PDLIM4: variants seen among roughly 807,000 people sequenced by gnomAD.
PDLIM4 encodes the protein PDZ and LIM domain protein 4.
In PDLIM4, 19 loss-of-function variants were observed where a neutral mutation model predicts 31.3. The observed-to-expected ratio is 0.61, with a 90% CI of 0.42 to 0.89. The LOEUF is 0.89. Among genes scored for constraint, PDLIM4 ranks in the 40% least tolerant of loss-of-function variants. The pLI is 0.00. For missense variants in PDLIM4, 442 were observed against 461.1 expected, an observed-to-expected ratio of 0.96 and a Z score of 0.38; for synonymous variants, 176 against 190.1, an observed-to-expected ratio of 0.93 and a Z score of 0.61.
At chr5:132,269,751 C>A (rs1272951759) in intron 3 of PDLIM4, among the ~76,000 whole-genome samples, 1 of 152,178 alleles carries the variant, frequency 6.6e-6, no homozygotes, top group East Asian at 1.9e-4. Flanking sequence ...CACTGTAGAG[C>A]AGAGGAGGTT....
At chr5:132,268,596 C>T (rs1159528753) in intron 3 of PDLIM4, among the ~76,000 whole-genome samples, 1 of 152,192 alleles carries the variant, frequency 6.6e-6, no homozygotes, top group African/African-American at 2.4e-5. Flanking sequence ...TAACTTATTA[C>T]TATCCTTCTG....
At chr5:132,262,905 C>T (rs112242771) in intron 2 of PDLIM4, 145 bp downstream of exon 2, 1 of 637,470 alleles carries the variant, frequency 1.6e-6, no homozygotes, top group Non-Finnish European at 2.7e-6. Flanking sequence ...CAAGGAGTAG[C>T]ACTTTCATGG....
In PDLIM4 at chr5:132,271,873, G is replaced by A; in HGVS notation, c.753G>A (p.Gly251=). 1 of 1,610,644 alleles carries A rather than the reference G, an allele frequency of 6.2e-7. No individual in the cohort carries two copies. Among genetic ancestry groups the A allele is most frequent in the Non-Finnish European group, 8.5e-7 (1 of 1,178,332 alleles). ...GCGCTCCGCTGAGCGGCCTGCAGGG[G>A]CTGCCCGAGTGCACGCGCTGCGGCC... ...KLGAPLSGLQ[G]LPECTRCGHG... The change falls in exon 6 of 7, where the codon GGG becomes GGA. Residue 251 remains glycine, a synonymous_variant. Transcript: ENST00000253754.
At chr5:132,265,134 C>T (rs971426157) in intron 2 of PDLIM4, among the ~76,000 whole-genome samples, 3 of 152,206 alleles carry the variant, frequency 2.0e-5, no homozygotes, top group Non-Finnish European at 4.4e-5. Context: ...TTTGCACAGC[C>T]TACCCTTTGC....
rs1032372496 is a variant in PDLIM4, at chr5:132,269,270, G to A, written c.328-1645G>A. 3.3e-5 allele frequency among the ~76,000 whole-genome samples: 5 copies of A among 151,812 alleles called. No individual in the cohort carries two copies. In the East Asian group the frequency reaches 7.8e-4, roughly 24 times the overall value. On this transcript the variant is annotated intron_variant, in intron 3 of 6. Transcript: ENST00000253754. ...CCCCTGCACCCTGCTGGGTAGGGGT[G>A]AGTGAGGGCCTCCTTCCTCCCAGTC... is the stretch of plus-strand genomic sequence containing the variant.
In PDLIM4 at chr5:132,269,018, T is replaced by C. The variant is rs270623; in HGVS notation, c.328-1897T>C. Among the ~76,000 whole-genome samples, 858 of 152,308 alleles carry C rather than the reference T, an allele frequency of 5.6e-3. 16 individuals are homozygous for C. The highest frequency in any genetic ancestry group is 0.02 in the African/African-American group (824 of 41,568). On this transcript the variant is annotated intron_variant, in intron 3 of 6. Coordinates refer to ENST00000253754, the MANE Select transcript of PDLIM4 (RefSeq NM_003687.4). ...TGCCAGGCACTATGCAATTGTCTTA[T>C]TTCATCTCCACAAGGAACCTGATGT...
rs1176035399 is a variant in PDLIM4, at chr5:132,271,282, C to G, written c.507-21C>G. 5 of 1,581,678 alleles carry G rather than the reference C, an allele frequency of 3.2e-6. No individual in the cohort carries two copies. The South Asian group carries it at 5.6e-5, about 18-fold the overall frequency. Reference sequence around the variant, plus strand: ...GGCTGGAACTGCATCCCTTCCTCCTCTATTTCTTTCTCCCTCCCAGCGCTG... The same window carrying G: ...GGCTGGAACTGCATCCCTTCCTCCTGTATTTCTTTCTCCCTCCCAGCGCTG... On this transcript the variant is annotated intron_variant, in intron 4 of 6. Transcript: ENST00000253754.
chr5:132,258,487 A>C (rs1756295055), intron 1 of PDLIM4, among the ~76,000 whole-genome samples: 2 of 152,174 alleles, frequency 1.3e-5, no homozygotes, highest in Non-Finnish European at 1.5e-5. Flanking sequence ...CCCGTTCCTC[A>C]AGTTTCCCAG....
chr5:132,266,741 GCT>G (rs1756500508), intron 3 of PDLIM4, 196 bp downstream of exon 3: 4 of 469,818 alleles, frequency 8.5e-6, no homozygotes, highest in South Asian at 7.7e-5. Flanking sequence ...CCTGGTGTGG[GCT>G]CTGTCTCTAC....
intron 3 of PDLIM4, 193 bp downstream of exon 3, chr5:132,266,738 T>G (rs1756500452): frequency 2.1e-6 from 1 of 478,722 alleles, no homozygotes; most frequent in Admixed American, 3.8e-5. Context: ...GCACCTGGTG[T>G]GGGCTCTGTC....
Position 132,272,753 on chromosome 5 carries a change from G to T in PDLIM4, c.*524G>T, listed in dbSNP as rs565815416. 28 of 184,694 alleles carry T rather than the reference G, an allele frequency of 1.5e-4. No individual in the cohort carries two copies. The South Asian group carries it at 3.1e-3, about 20-fold the overall frequency. The allele number at this position is 184,694 out of a possible 1,614,324, so 11.4% of individuals were successfully genotyped here. A position where few individuals can be genotyped will look rare whatever the true frequency, so the allele number is the denominator to read the frequency against. Reference sequence around the variant, plus strand: ...GGTGCTGGCAGCCTCAGGAGCGATCGCTCCCCTGGAGAGGGTGATTGAGTG... The same window carrying T: ...GGTGCTGGCAGCCTCAGGAGCGATCTCTCCCCTGGAGAGGGTGATTGAGTG... On this transcript the variant is annotated 3_prime_UTR_variant, in exon 7 of 7. Coordinates refer to ENST00000253754, the MANE Select transcript of PDLIM4 (RefSeq NM_003687.4).
chr5:132,260,013 A>C (rs190881733), intron 1 of PDLIM4, among the ~76,000 whole-genome samples: 1 of 152,320 alleles, frequency 6.6e-6, no homozygotes, highest in African/African-American at 2.4e-5. Context: ...AGTCCTTACA[A>C]CAGCCTTTAG....
rs754129660 is a variant in PDLIM4, at chr5:132,271,089, C to G, written c.502C>G (p.Pro168Ala). The G allele has an allele frequency of 1.3e-5, 21 of 1,613,446 alleles. No homozygotes were observed. In the African/African-American group the frequency reaches 2.3e-4, roughly 17 times the overall value. Residue 168 changes from proline (P) to alanine (A), a missense_variant, in exon 4 of 7, where the codon CCC becomes GCC. Coordinates refer to ENST00000253754, the MANE Select transcript of PDLIM4 (RefSeq NM_003687.4). ...GAGCACCCTGCATGTGTCTCCACCC[C>G]CCAGGTAGCACAGAGATGCCTTCGG... ...QMSTLHVSPPPSADPARGLPR... is the reference protein window; with the variant it reads ...QMSTLHVSPPASADPARGLPR...
chr5:132,259,437 C>T (rs1046772178), intron 1 of PDLIM4, among the ~76,000 whole-genome samples: 7 of 152,068 alleles, frequency 4.6e-5, no homozygotes, highest in Non-Finnish European at 1.0e-4. Context: ...GGGATGCAGG[C>T]CCCAGGCAGG....
At chr5:132,264,220 C>G (rs974670526) in intron 2 of PDLIM4, among the ~76,000 whole-genome samples, 1 of 152,022 alleles carries the variant, frequency 6.6e-6, no homozygotes, top group Non-Finnish European at 1.5e-5. Flanking sequence ...GGTGGAGGTC[C>G]CCCTCCTTCT....
intron 3 of PDLIM4, 178 bp downstream of exon 3, chr5:132,266,723 G>C: frequency 6.1e-6 from 3 of 495,582 alleles, no homozygotes; most frequent in African/African-American, 2.0e-5. Flanking sequence ...TTCCTCAGAT[G>C]ATGAGCACCT....
rs1368212464 is a variant in PDLIM4, at chr5:132,271,460, G to A, written c.664G>A (p.Glu222Lys). 2.5e-6 allele frequency: 4 copies of A among 1,608,142 alleles called. No individual in the cohort carries two copies. Among genetic ancestry groups the A allele is most frequent in the Non-Finnish European group, 3.4e-6 (4 of 1,179,892 alleles). Residue 222 changes from glutamate (E) to lysine (K), a missense_variant, in exon 5 of 7, where the codon GAG (glutamate) becomes AAG (lysine). Coordinates refer to ENST00000253754, the MANE Select transcript of PDLIM4 (RefSeq NM_003687.4). The stretch of plus-strand genomic sequence containing the variant: ...CTTGCAGGGCATGCTAGAGGCCGGC[G>A]AGGGCGGTAAGACGCCTGCCACCTG... ...RYLQGMLEAG[E>K]GGDWPGPGGP...
At chr5:132,271,730 C>T (rs1190094812) in intron 5 of PDLIM4, 61 bp from the exon 6 acceptor site, 2 of 1,234,900 alleles carry the variant, frequency 1.6e-6, no homozygotes, top group Admixed American at 3.4e-5. Flanking sequence ...ACCAAACACC[C>T]CGCAGAAATG....
intron 2 of PDLIM4, among the ~76,000 whole-genome samples, chr5:132,265,664 G>C (rs987186971): frequency 3.3e-5 from 5 of 152,200 alleles, no homozygotes; most frequent in Admixed American, 1.3e-4. Context: ...GCCTCAGGAG[G>C]CTTCGTGGGG....
Sources: gnomAD v4.1 joint callset for allele counts (sites outside exome capture counted in the v4.1 genomes callset) on GRCh38, gnomAD v4.1.1 for gene constraint, MANE v1.5 for transcripts, NCBI Gene and HGNC (gene_info 2026-07-23, HGNC 2026-07-21) for gene names.